The following NAV3 variants were observed in gnomAD, a reference collection of about 807,000 sequenced individuals.
NAV3 encodes the protein neuron navigator 3, also known as pore membrane and/or filament interacting like protein 1.
NAV3 carries 87 observed loss-of-function variants against 244.7 expected under a neutral mutation model. That is an observed-to-expected ratio of 0.36 (90% CI 0.30 to 0.42). The LOEUF is 0.42. Ranked by LOEUF, NAV3 falls within the 20% of genes least tolerant of loss-of-function variation. NAV3 has a pLI of 1.00. For synonymous variants in NAV3, 1,126 were observed against 1,042.2 expected (o/e 1.08, Z -1.55); for missense variants, 2,663 against 2,893.3 (o/e 0.92, Z 1.83).
chr12:78,128,996 T>G (rs1193671164), intron 18 of NAV3, 130 bp downstream of exon 18: 3 of 786,640 alleles, frequency 3.8e-6, no homozygotes, highest in African/African-American at 3.5e-5. Context: ...TAACAGTACC[T>G]TTCATTTGTG....
At chr12:78,205,933 T>C (rs527890762) in intron 39 of NAV3, among the ~76,000 whole-genome samples, 2 of 152,186 alleles carry the variant, frequency 1.3e-5, no homozygotes, top group East Asian at 3.9e-4. Context: ...ACATAAATAA[T>C]TAAAAATCAT....
At chr12:77,820,145 A>G (rs1872678481) in intron 2 of NAV3, among the ~76,000 whole-genome samples, 1 of 152,078 alleles carries the variant, frequency 6.6e-6, no homozygotes, top group East Asian at 1.9e-4. Context: ...CAGATAAAAA[A>G]GGAAAGGAAA....
chr12:77,729,971 G>A (rs1442743454), intron 2 of NAV3, among the ~76,000 whole-genome samples: 1 of 151,938 alleles, frequency 6.6e-6, no homozygotes, highest in Admixed American at 6.6e-5. Context: ...AGGAAGAGGT[G>A]TGTATATGGG....
At chr12:78,161,354 C>T (rs1957537263) in intron 23 of NAV3, among the ~76,000 whole-genome samples, 1 of 151,990 alleles carries the variant, frequency 6.6e-6, no homozygotes, top group African/African-American at 2.4e-5. Flanking sequence ...GGGCATATAC[C>T]AAGCATATTG....
rs1328268574 is a variant in NAV3, at chr12:78,119,922, T to C, written c.3726T>C (p.Asp1242=). 6.2e-7 allele frequency: 1 copy of C among 1,613,036 alleles called. No homozygotes were observed. Among genetic ancestry groups the C allele is most frequent in the East Asian group, 2.2e-5 (1 of 44,842 alleles). The change falls in exon 15 of 40, where the codon GAT becomes GAC. Residue 1242 remains aspartate, a synonymous_variant. Coordinates refer to ENST00000397909, the MANE Select transcript of NAV3 (RefSeq NM_001024383.2). Reference sequence around the variant, plus strand: ...GGCAGCCAGGATCCAAGTATCCAGATATTGCCTCACCCACATTTCGAAGGT... The same window carrying C: ...GGCAGCCAGGATCCAAGTATCCAGACATTGCCTCACCCACATTTCGAAGGT... ...GLRQPGSKYP[D]IASPTFRRLF...
intron 7 of NAV3, among the ~76,000 whole-genome samples, chr12:78,006,212 C>T (rs1012131667): frequency 2.0e-5 from 3 of 151,748 alleles, no homozygotes; most frequent in Non-Finnish European, 2.9e-5. Context: ...ACAGCCCCCA[C>T]CCCAGAATCA....
intron 2 of NAV3, among the ~76,000 whole-genome samples, chr12:77,766,046 A>G (rs985979376): frequency 1.3e-5 from 2 of 152,138 alleles, no homozygotes; most frequent in African/African-American, 4.8e-5. Flanking sequence ...AATTTAAGGG[A>G]TATGAGCAAG....
chr12:77,641,697 G>A (rs896733599), intron 2 of NAV3, among the ~76,000 whole-genome samples: 1 of 151,918 alleles, frequency 6.6e-6, no homozygotes. Flanking sequence ...ATAACAAGAG[G>A]TATTTTCCAT....
intron 22 of NAV3, 28 bp from the exon 23 acceptor site, chr12:78,159,175 A>G: frequency 6.3e-7 from 1 of 1,593,926 alleles, no homozygotes; most frequent in Non-Finnish European, 8.6e-7. Flanking sequence ...CTGACATTTA[A>G]ACTATGTTTC....
chr12:78,120,024 G>GTA (rs992726075), intron 15 of NAV3, 79 bp downstream of exon 15: 81 of 1,034,528 alleles, frequency 7.8e-5, no homozygotes, highest in African/African-American at 5.6e-4. Context: ...ATAAATGTGT[G>GTA]TATATATATA....
chr12:78,106,474 G>A (rs1954807421), intron 12 of NAV3, among the ~76,000 whole-genome samples: 1 of 152,186 alleles, frequency 6.6e-6, no homozygotes, highest in Non-Finnish European at 1.5e-5. Context: ...TATTGTTAAA[G>A]TATCAGTATT....
chr12:77,763,931 T>C (rs1254182818), intron 2 of NAV3, among the ~76,000 whole-genome samples: 5 of 152,164 alleles, frequency 3.3e-5, no homozygotes, highest in African/African-American at 1.2e-4. Flanking sequence ...ACAGTGAATA[T>C]ATCAAGTAAG....
intron 2 of NAV3, among the ~76,000 whole-genome samples, chr12:77,721,837 T>C (rs1477228333): frequency 6.6e-6 from 1 of 152,088 alleles, no homozygotes; most frequent in Non-Finnish European, 1.5e-5. Flanking sequence ...AATACATGTG[T>C]CATTATTTGA....
intron 1 of NAV3, among the ~76,000 whole-genome samples, chr12:77,934,788 A>G (rs1406368736): frequency 6.6e-6 from 1 of 152,228 alleles, no homozygotes; most frequent in Non-Finnish European, 1.5e-5. Flanking sequence ...AGCAGTGCTT[A>G]TAGAAATGTA....
chr12:78,204,810 C>A, intron 38 of NAV3, 125 bp from the exon 39 acceptor site: 1 of 762,748 alleles, frequency 1.3e-6, no homozygotes, highest in Non-Finnish European at 2.1e-6. Context: ...TATACAGATA[C>A]TTAATTCTCT....
chr12:77,931,562 A>T (rs1369606932), intron 1 of NAV3, among the ~76,000 whole-genome samples: 1 of 152,090 alleles, frequency 6.6e-6, no homozygotes, highest in Non-Finnish European at 1.5e-5. Flanking sequence ...CAAGCATGAG[A>T]CAATAAAAAT....
rs150689180 is a variant in NAV3 at position 77,760,859 on chromosome 12, G to C, written c.73-179460G>C. On this transcript the variant is annotated intron_variant, in intron 2 of 8. Transcript: ENST00000550042. ...AGGAGGCAGGACCATCATGAGTTTT[G>C]AGTGATAGCATTTTGCACAGAGAAC... Among the ~76,000 whole-genome samples the C allele has an allele frequency of 1.2e-3, 190 of 152,198 alleles. 1 individual carries two copies. The highest frequency in any genetic ancestry group is 4.4e-3 in the African/African-American group (183 of 41,522).
At position 78,146,394 on chromosome 12, in the gene NAV3, T is replaced by TA. The variant is rs34144410; in HGVS notation, c.4707+12dup. ...GCTGAAGAAAAGGCTCATTCAGAGG[T>TA]AAAAAAAAAATATGCAATATTTTAA... On this transcript the variant is annotated splice_region_variant and intron_variant, in intron 21 of 39. Coordinates refer to ENST00000397909, the MANE Select transcript of NAV3 (RefSeq NM_001024383.2). 8.9e-4 allele frequency: 879 copies of TA among 982,542 alleles called. No individual in the cohort carries two copies. Among genetic ancestry groups the TA allele is most frequent in the South Asian group, 2.9e-3 (135 of 46,372 alleles). The allele number at this position is 982,542 out of a possible 1,614,324, so 60.9% of individuals were successfully genotyped here.
chr12:77,688,303 A>G (rs1031615464), intron 2 of NAV3, among the ~76,000 whole-genome samples: 1 of 151,960 alleles, frequency 6.6e-6, no homozygotes, highest in African/African-American at 2.4e-5. Context: ...CAAAAAGACT[A>G]CCCCTGACCC....
Sources: allele counts gnomAD v4.1 joint callset (sites outside exome capture counted in the v4.1 genomes callset), GRCh38; gene constraint gnomAD v4.1.1; transcripts MANE v1.5; gene names NCBI Gene and HGNC (gene_info 2026-07-23, HGNC 2026-07-21).